NDUFAF6: variants seen among roughly 807,000 people sequenced by gnomAD.
The protein encoded by NDUFAF6 is NADH:ubiquinone oxidoreductase complex assembly factor 6.
In NDUFAF6, 45 loss-of-function variants were observed where a neutral mutation model predicts 40.8. That is an observed-to-expected ratio of 1.10 (90% CI 0.87 to 1.42). The LOEUF is 1.42. Among genes scored for constraint, NDUFAF6 ranks in the 40% most tolerant of loss-of-function variants. NDUFAF6 has a pLI of 0.00. For missense variants in NDUFAF6, 435 were observed against 418.5 expected (o/e 1.04, Z -0.34); for synonymous variants, 185 against 155.9 (o/e 1.19, Z -1.39).
chr8:94,922,514 CG>C (rs1272001694), intron 1 of NDUFAF6, among the ~76,000 whole-genome samples: 21 of 150,252 alleles, frequency 1.4e-4, no homozygotes, highest in Admixed American at 1.4e-3. Flanking sequence ...AGTCTCACTC[CG>C]TCACCCAGGC....
chr8:95,052,658 C>T (rs1024921136), intron 8 of NDUFAF6, among the ~76,000 whole-genome samples: 22 of 152,128 alleles, frequency 1.4e-4, no homozygotes, highest in African/African-American at 5.3e-4. Context: ...TATTGTAGCA[C>T]CAGTTCCAGA....
At chr8:95,021,290 C>T (rs990150918), upstream of NDUFAF6, among the ~76,000 whole-genome samples, 7 of 152,178 alleles carry the variant, frequency 4.6e-5, no homozygotes, top group African/African-American at 1.7e-4. Flanking sequence ...CTTGAAGATA[C>T]AGCACACAAG....
intron 2 of NDUFAF6, among the ~76,000 whole-genome samples, chr8:94,982,905 A>G (rs1825560223): frequency 6.6e-6 from 1 of 152,232 alleles, no homozygotes; most frequent in African/African-American, 2.4e-5. Context: ...GGACTAATAA[A>G]GACAGAATGT....
At chr8:95,041,865 T>A (rs1303265886) in intron 4 of NDUFAF6, among the ~76,000 whole-genome samples, 2 of 152,070 alleles carry the variant, frequency 1.3e-5, no homozygotes, top group Admixed American at 6.5e-5. Context: ...CTATTTTGGT[T>A]TTTTCAAAAG....
chr8:94,995,500 G>T (rs1826384941), intron 2 of NDUFAF6, among the ~76,000 whole-genome samples: 1 of 151,994 alleles, frequency 6.6e-6, no homozygotes, highest in African/African-American at 2.4e-5. Context: ...ATGGTGGCTT[G>T]CACCTGTAAT....
At chr8:94,936,254 C>A (rs1470058468) in intron 1 of NDUFAF6, among the ~76,000 whole-genome samples, 1 of 152,170 alleles carries the variant, frequency 6.6e-6, no homozygotes, top group African/African-American at 2.4e-5. Flanking sequence ...ATTAGGAGGG[C>A]AGTGCCCAGA....
upstream of NDUFAF6, among the ~76,000 whole-genome samples, chr8:95,021,925 A>C (rs2678824): frequency 1.8e-4 from 28 of 152,216 alleles, no homozygotes; most frequent in African/African-American, 6.3e-4. Context: ...GTGAGACTGA[A>C]CTCTGAACCT....
At chr8:94,914,000 C>T (rs1015531890) in intron 1 of NDUFAF6, among the ~76,000 whole-genome samples, 6 of 152,054 alleles carry the variant, frequency 3.9e-5, no homozygotes, top group Non-Finnish European at 5.9e-5. Context: ...CAATATTGGC[C>T]AGGCTGGTCT....
At chr8:95,060,003 C>T (rs916088144), downstream of NDUFAF6, among the ~76,000 whole-genome samples, 2 of 151,804 alleles carry the variant, frequency 1.3e-5, no homozygotes, top group African/African-American at 2.4e-5. Context: ...ATCATCTAGG[C>T]GTCTTGGTTC....
intron 4 of NDUFAF6, among the ~76,000 whole-genome samples, chr8:95,110,542 T>C (rs190145302): frequency 3.9e-5 from 6 of 152,336 alleles, no homozygotes; most frequent in South Asian, 2.1e-4. Flanking sequence ...ATAAGGCAGA[T>C]ACTATTCTTA....
upstream of NDUFAF6, among the ~76,000 whole-genome samples, chr8:94,953,173 C>G (rs1486309064): frequency 1.3e-5 from 2 of 152,106 alleles, no homozygotes; most frequent in Non-Finnish European, 2.9e-5. Flanking sequence ...CATGGAGAAA[C>G]CCCGTCTCTA....
chr8:95,097,399 T>G (rs1234547431), upstream of NDUFAF6, among the ~76,000 whole-genome samples: 3 of 152,220 alleles, frequency 2.0e-5, no homozygotes, highest in Admixed American at 1.3e-4. Flanking sequence ...TAGAATAGTA[T>G]ACATTAAAAT....
chr8:94,944,414 C>T (rs1276037252), intron 1 of NDUFAF6, among the ~76,000 whole-genome samples: 3 of 152,144 alleles, frequency 2.0e-5, no homozygotes, highest in African/African-American at 4.8e-5. Flanking sequence ...AGGTCCAAAC[C>T]CAGGAAGGCA....
chr8:95,067,001 C>G (rs1832720614), intron 9 of NDUFAF6: 1 of 152,218 alleles, frequency 6.6e-6, no homozygotes, highest in Non-Finnish European at 1.5e-5. Flanking sequence ...TTAGCTCCTT[C>G]TAAACTAATA....
chr8:95,018,235 C>T (rs1461294086), intron 2 of NDUFAF6, among the ~76,000 whole-genome samples: 1 of 151,438 alleles, frequency 6.6e-6, no homozygotes, highest in Non-Finnish European at 1.5e-5. Flanking sequence ...TGGGGTCTCC[C>T]TATGTTGCCC....
intron 1 of NDUFAF6, among the ~76,000 whole-genome samples, chr8:94,899,489 TA>T (rs1817875892): frequency 6.6e-6 from 1 of 152,136 alleles, no homozygotes. Context: ...CTTCACATAC[TA>T]TTAACTCCTT....
At chr8:95,030,960 A>G (rs56901035) in intron 1 of NDUFAF6, among the ~76,000 whole-genome samples, 22,177 of 152,200 alleles carry the variant, frequency 0.15, 1,628 homozygotes, top group Middle Eastern at 0.24. Flanking sequence ...AGGAGGTGCC[A>G]GGCTCTTTTA....
intron 5 of NDUFAF6, 27 bp downstream of exon 5, chr8:95,045,674 C>T (rs748414734): frequency 1.0e-5 from 16 of 1,556,884 alleles, no homozygotes; most frequent in African/African-American, 1.4e-5. Context: ...TTTCATACTT[C>T]TTTTTTCCAA....
chr8:95,039,536 C>T (rs867817787), intron 3 of NDUFAF6, among the ~76,000 whole-genome samples: 25 of 151,130 alleles, frequency 1.7e-4, no homozygotes, highest in Middle Eastern at 3.5e-3. Flanking sequence ...CCTTATCCTC[C>T]CAAAGTGCTG....
Sources: gnomAD v4.1 joint callset for allele counts (sites outside exome capture counted in the v4.1 genomes callset) on GRCh38, gnomAD v4.1.1 for gene constraint, MANE v1.5 for transcripts, NCBI Gene and HGNC (gene_info 2026-07-23, HGNC 2026-07-21) for gene names.